The following ASB14 variants were observed in gnomAD, a reference collection of about 807,000 sequenced individuals.
ASB14 encodes ankyrin repeat and SOCS box protein 14.
A neutral mutation model predicts 55.6 loss-of-function variants in ASB14; 63 were observed. That is an observed-to-expected ratio of 1.13 (90% confidence interval 0.92 to 1.40). The LOEUF (loss-of-function observed/expected upper bound fraction) is 1.40, where lower values mean the gene tolerates loss of function less well. ASB14 is among the 40% of genes most tolerant of loss of function. The pLI is 0.00. For synonymous variants in ASB14, 256 were observed against 259.9 expected, an observed-to-expected ratio of 0.98 and a Z score of 0.15; for missense variants, 724 against 710.4, an observed-to-expected ratio of 1.02 and a Z score of -0.22.
rs1241531067 is a variant in ASB14, at chr3:57,269,340, A to G, written c.*301T>C. ...GATAAAATATTAGATTTTAGTTTGA[A>G]TGCTGGCTTTTATAGGATGGTGCCA... On this transcript the variant is annotated 3_prime_UTR_variant, in exon 11 of 11. Coordinates refer to ENST00000487349, the MANE Select transcript of ASB14 (RefSeq NM_001142733.3). The G allele has an allele frequency of 4.1e-6, 2 of 491,916 alleles. No homozygotes were observed. The highest frequency in any genetic ancestry group is 7.1e-5 in the Admixed American group (2 of 28,228). The allele number at this position is 491,916 out of a possible 1,614,324, so 30.5% of individuals were successfully genotyped here. A position where few individuals can be genotyped will look rare whatever the true frequency, so the allele number is the denominator to read the frequency against.
At chr3:57,275,369 T>C (rs971022418) in intron 10 of ASB14, among the ~76,000 whole-genome samples, 5 of 151,226 alleles carry the variant, frequency 3.3e-5, no homozygotes, top group Admixed American at 6.6e-5. Flanking sequence ...CAAGAATCGC[T>C]TGAACCCGGG....
Position 57,269,327 on chromosome 3 carries a change from G to T in ASB14, c.*314C>A. The stretch of plus-strand genomic sequence containing the variant: ...ATAAAAAAAGAAAGATAAAATATTA[G>T]ATTTTAGTTTGAATGCTGGCTTTTA... On this transcript the variant is annotated 3_prime_UTR_variant, in exon 11 of 11. Transcript: ENST00000487349. 1 of 468,486 alleles carries T rather than the reference G, an allele frequency of 2.1e-6. No individual in the cohort carries two copies. 29.0% of individuals were successfully genotyped at this position (468,486 alleles called of 1,614,324 possible).
intron 5 of ASB14, among the ~76,000 whole-genome samples, chr3:57,286,623 G>A (rs1314923466): frequency 6.6e-6 from 1 of 152,156 alleles, no homozygotes; most frequent in Non-Finnish European, 1.5e-5. Flanking sequence ...TATGAATTCT[G>A]CTAATAACCA....
Position 57,283,279 on chromosome 3 carries a change from G to A in ASB14, c.630C>T (p.Asp210=), listed in dbSNP as rs988433935. ...KLMLVSGAHP[D]PQSTYGFTPL... ...GAGTGAATCCATACGTGCTCTGTGG[G>A]TCAGGGTGTGCCCCAGAAACCAGCA... Residue 210 remains aspartate, a synonymous_variant, in exon 6 of 11, where the codon GAC becomes GAT. Transcript: ENST00000487349. The A allele has an allele frequency of 1.9e-6, 3 of 1,551,822 alleles. No individual in the cohort carries two copies. The highest frequency in any genetic ancestry group is 1.2e-5 in the South Asian group (1 of 84,060).
chr3:57,291,890 T>G (rs1187619644), intron 2 of ASB14, 22 bp downstream of exon 2: 20 of 1,515,594 alleles, frequency 1.3e-5, no homozygotes, highest in Middle Eastern at 1.7e-4. Flanking sequence ...TAATACTATA[T>G]TGCCGATGAG....
intron 10 of ASB14, among the ~76,000 whole-genome samples, chr3:57,274,999 A>G (rs2060975128): frequency 1.3e-5 from 2 of 152,238 alleles, no homozygotes; most frequent in South Asian, 4.1e-4. Flanking sequence ...AGAAACAGTA[A>G]TAGACACTAA....
intron 5 of ASB14, among the ~76,000 whole-genome samples, chr3:57,284,094 A>ATGTATGTGTGTGTGTG (rs1553640084): frequency 5.9e-5 from 8 of 136,544 alleles, no homozygotes; most frequent in South Asian, 4.8e-4. Flanking sequence ...AACACTGTGT[A>ATGTATGTGTGTGTGTG]TGTGTGTGTG....
chr3:57,273,516 T>C (rs986118090), intron 10 of ASB14: 1 of 152,622 alleles, frequency 6.6e-6, no homozygotes, highest in Non-Finnish European at 1.5e-5. Flanking sequence ...TTTCAGATGT[T>C]TGTAAAACAA....
In ASB14 at chr3:57,288,308, A is replaced by G. The variant is rs754524845; in HGVS notation, c.179-22T>C. On this transcript the variant is annotated intron_variant, in intron 3 of 10. Coordinates refer to ENST00000487349, the MANE Select transcript of ASB14 (RefSeq NM_001142733.3). Reference sequence around the variant, plus strand: ...TTACCTATTAACGAGTCAAATGAGAACAGATTCACATTTGGCACACTTACA... The same window carrying G: ...TTACCTATTAACGAGTCAAATGAGAGCAGATTCACATTTGGCACACTTACA... The G allele has an allele frequency of 1.3e-5, 20 of 1,535,908 alleles. 1 individual carries two copies. The South Asian group carries it at 2.3e-4, about 17-fold the overall frequency.
At chr3:57,273,090 A>G (rs2060956809) in intron 10 of ASB14, 2 of 152,636 alleles carry the variant, frequency 1.3e-5, no homozygotes, top group South Asian at 4.1e-4. Flanking sequence ...GAACTATATT[A>G]TACTTTTTAA....
At chr3:57,290,649 C>T (rs1253386265) in intron 2 of ASB14, among the ~76,000 whole-genome samples, 1 of 152,224 alleles carries the variant, frequency 6.6e-6, no homozygotes, top group Non-Finnish European at 1.5e-5. Flanking sequence ...GTATCATACA[C>T]TTCCTGCAAA....
chr3:57,288,456 C>T (rs907135722), intron 3 of ASB14, among the ~76,000 whole-genome samples, 170 bp from the exon 4 acceptor site: 1 of 152,168 alleles, frequency 6.6e-6, no homozygotes, highest in African/African-American at 2.4e-5. Context: ...GGTCATGTAG[C>T]GTTCCGCACC....
At chr3:57,286,637 A>G (rs1198210324) in intron 5 of ASB14, among the ~76,000 whole-genome samples, 1 of 152,246 alleles carries the variant, frequency 6.6e-6, no homozygotes, top group East Asian at 1.9e-4. Context: ...ATAACCATTT[A>G]TAATTTGCCA....
intron 7 of ASB14, among the ~76,000 whole-genome samples, chr3:57,280,075 G>A (rs1036522786): frequency 2.8e-5 from 4 of 141,088 alleles, no homozygotes; most frequent in African/African-American, 1.1e-4. Flanking sequence ...TCTTTCACTG[G>A]ATACCTATGT....
chr3:57,279,384 C>T (rs2061019332), intron 7 of ASB14, among the ~76,000 whole-genome samples: 1 of 145,874 alleles, frequency 6.9e-6, no homozygotes, highest in Non-Finnish European at 1.5e-5. Context: ...AAGCAATTCT[C>T]CTAAGAGTTT....
intron 7 of ASB14, 169 bp from the exon 8 acceptor site, chr3:57,279,089 G>A (rs2061015180): frequency 3.1e-6 from 2 of 643,364 alleles, no homozygotes; most frequent in Non-Finnish European, 5.2e-6. Context: ...CAGATACCAA[G>A]TAAAATTGAA....
At position 57,278,925 on chromosome 3, in the gene ASB14, GA is replaced by G. The variant is rs1223345085; in HGVS notation, c.888-6del. The G allele has an allele frequency of 3.7e-6, 6 of 1,604,864 alleles. No individual in the cohort carries two copies. In the African/African-American group the frequency reaches 8.0e-5, roughly 21 times the overall value. On this transcript the variant is annotated splice_region_variant and splice_polypyrimidine_tract_variant and intron_variant, in intron 7 of 10. Transcript: ENST00000487349. ...GGAATCAGTATCTTTAGAGCTCTGA[GA>G]AAGAATTTCAAAATGCATTTCAACA... is the stretch of plus-strand genomic sequence containing the variant.
Position 57,292,049 on chromosome 3 carries a change from GTTTACT to G in ASB14, c.-22_-17del. Reference sequence around the variant, plus strand: ...AATTATCCATGTGAAACGTGGACAGGTTTACTTTAAAGTCAGAGTGAATTAAAAGTA... The same window carrying G: ...AATTATCCATGTGAAACGTGGACAGGTTAAAGTCAGAGTGAATTAAAAGTA... On this transcript the variant is annotated 5_prime_UTR_variant, in exon 2 of 11. Coordinates refer to ENST00000487349, the MANE Select transcript of ASB14 (RefSeq NM_001142733.3). 1.3e-6 allele frequency: 2 copies of G among 1,532,454 alleles called. No individual in the cohort carries two copies. Among genetic ancestry groups the G allele is most frequent in the Non-Finnish European group, 1.7e-6 (2 of 1,143,784 alleles). 94.9% of individuals were successfully genotyped at this position (1,532,454 alleles called of 1,614,324 possible). A position where few individuals can be genotyped will look rare whatever the true frequency, so the allele number is the denominator to read the frequency against.
intron 5 of ASB14, among the ~76,000 whole-genome samples, chr3:57,287,534 G>A (rs2061089816): frequency 6.6e-6 from 1 of 152,190 alleles, no homozygotes; most frequent in Non-Finnish European, 1.5e-5. Context: ...GGGTTGGGCA[G>A]GAATGATCTA....
Sources: gnomAD v4.1 joint callset for allele counts (sites outside exome capture counted in the v4.1 genomes callset) on GRCh38, gnomAD v4.1.1 for gene constraint, MANE v1.5 for transcripts, NCBI Gene and HGNC (gene_info 2026-07-23, HGNC 2026-07-21) for gene names.